Variants in PAK3 observed in about 807,000 individuals in gnomAD.
PAK3 encodes serine/threonine-protein kinase PAK 3.
Under a neutral mutation model 41.0 loss-of-function variants are expected in PAK3, and 4 were observed. The observed-to-expected ratio is 0.10, with a 90% CI of 0.05 to 0.22. The LOEUF is 0.22. Among genes scored for constraint, PAK3 ranks in the 10% least tolerant of loss-of-function variants. PAK3 has a pLI of 1.00. For missense variants in PAK3, 205 were observed against 409.9 expected (o/e 0.50, Z 4.32); for synonymous variants, 146 against 139.6 (o/e 1.05, Z -0.32).
chrX:111,043,892 T>C (rs2092474003), intron 1 of PAK3, among the ~76,000 whole-genome samples: 1 of 111,746 alleles, frequency 8.9e-6, no homozygotes, highest in African/African-American at 3.3e-5. Context: ...AATATTAAAG[T>C]TGAAATTTTC....
intron 1 of PAK3, among the ~76,000 whole-genome samples, chrX:111,090,161 A>C (rs2092919104): frequency 9.0e-6 from 1 of 110,940 alleles, no homozygotes; most frequent in Admixed American, 9.6e-5. Context: ...GGCTTTGGGG[A>C]CTGGGTTTGG....
rs566096360 is a variant in PAK3 at position 110,953,705 on chromosome X, T to A, written c.-28+9077T>A. Among the ~76,000 whole-genome samples, 7 of 111,763 alleles carry A rather than the reference T, an allele frequency of 6.3e-5. No homozygotes were observed. The South Asian group carries it at 2.7e-3, about 42-fold the overall frequency. ...TCACCTAGGAGCTCTGGCTTAGAAA[T>A]CTATGATATGAAACTGCACTTGAGG... is the stretch of plus-strand genomic sequence containing the variant. On this transcript the variant is annotated intron_variant, in intron 1 of 14. Coordinates refer to the PAK3 transcript ENST00000425146.
intron 3 of PAK3, among the ~76,000 whole-genome samples, chrX:111,101,247 G>A (rs921879751): frequency 8.9e-6 from 1 of 111,890 alleles, no homozygotes; most frequent in Non-Finnish European, 1.9e-5. Flanking sequence ...ACATGACCCA[G>A]TATGCACATG....
At chrX:111,008,877 C>T (rs1034679615) in intron 1 of PAK3, among the ~76,000 whole-genome samples, 15 of 111,238 alleles carry the variant, frequency 1.3e-4, no homozygotes, top group African/African-American at 4.3e-4. Context: ...TAGATACACA[C>T]GAGTGGGCAG....
chrX:111,172,159 C>A lies in PAK3; in HGVS notation c.767-859C>A, dbSNP rs1056991975. Among the ~76,000 whole-genome samples the A allele has an allele frequency of 5.6e-4, 62 of 111,325 alleles. 1 individual carries two copies. Among genetic ancestry groups the A allele is most frequent in the Non-Finnish European group, 5.7e-5 (3 of 52,938 alleles). On this transcript the variant is annotated intron_variant, in intron 10 of 17. Coordinates refer to ENST00000372007, the MANE Select transcript of PAK3 (RefSeq NM_002578.5). ...GATAAGTTCTTAGATTGTTTTTTAG[C>A]GATTATACCAATTTATGTACCCACC...
At chrX:110,969,903 G>A (rs2091170239) in intron 1 of PAK3, among the ~76,000 whole-genome samples, 1 of 112,053 alleles carries the variant, frequency 8.9e-6, no homozygotes, top group African/African-American at 3.2e-5. Context: ...TATGAAATGT[G>A]TATGTCAATT....
chrX:110,962,522 C>T (rs2091000475), intron 1 of PAK3, among the ~76,000 whole-genome samples: 1 of 112,524 alleles, frequency 8.9e-6, no homozygotes, highest in Non-Finnish European at 1.9e-5. Flanking sequence ...CCATGCAAAC[C>T]TTACTTGTTA....
chrX:111,019,936 G>A (rs571383133), intron 1 of PAK3, among the ~76,000 whole-genome samples: 53 of 111,183 alleles, frequency 4.8e-4, no homozygotes, highest in African/African-American at 1.6e-3. Flanking sequence ...GCCAGGATGT[G>A]GAGAAATAGG....
Position 111,195,917 on chromosome X carries a change from G to A in PAK3, c.1186G>A (p.Gly396Arg). ...TATAAAGAGTGACAATATTCTTCTCGGGATGGATGGCTCTGTTAAATTGAG... is the reference window on the plus strand; with the variant it reads ...TATAAAGAGTGACAATATTCTTCTCAGGATGGATGGCTCTGTTAAATTGAG... ...RDIKSDNILL[G>R]MDGSVKLTDF... Residue 396 changes from glycine to arginine, a missense_variant, in exon 15 of 18, where the codon GGG becomes AGG. Gly to Arg is a moderately radical substitution (Grantham distance 125, BLOSUM62 -2). Around this residue, in one of 5 missense-constraint regions of PAK3, gnomAD observed 42 missense variants for 152.7 expected, o/e 0.28. Transcript: ENST00000372007. 8.8e-7 allele frequency: 1 copy of A among 1,140,777 alleles called. No homozygotes were observed. The highest frequency in any genetic ancestry group is 1.2e-6 in the Non-Finnish European group (1 of 831,176). 94.0% of individuals were successfully genotyped at this position (1,140,777 alleles called of 1,213,427 possible).
chrX:111,212,113 A>C (rs770635733), intron 16 of PAK3, among the ~76,000 whole-genome samples: 1 of 111,461 alleles, frequency 9.0e-6, no homozygotes, highest in Non-Finnish European at 1.9e-5. Context: ...TGGGTGAGGA[A>C]GAAGGGGGAA....
chrX:111,138,047 CTT>C (rs36088513), intron 5 of PAK3, among the ~76,000 whole-genome samples: 21 of 99,563 alleles, frequency 2.1e-4, no homozygotes, highest in African/African-American at 2.9e-4. Context: ...GAGCTCAAAT[CTT>C]TTTTTTTTTT....
At chrX:111,105,484 A>C in intron 4 of PAK3, among the ~76,000 whole-genome samples, 1 of 111,595 alleles carries the variant, frequency 9.0e-6, no homozygotes, top group African/African-American at 3.3e-5. Flanking sequence ...CATTGATGTC[A>C]TCACTGTTTC....
intron 1 of PAK3, among the ~76,000 whole-genome samples, chrX:110,978,377 T>C (rs1370126664): frequency 1.8e-5 from 2 of 110,928 alleles, no homozygotes; most frequent in Non-Finnish European, 3.8e-5. Context: ...GTTTGGTTTG[T>C]TTTTTTTATT....
At chrX:111,118,541 C>A (rs951133742) in intron 4 of PAK3, among the ~76,000 whole-genome samples, 13 of 110,016 alleles carry the variant, frequency 1.2e-4, no homozygotes, top group Admixed American at 8.8e-4. Flanking sequence ...GTGTTTGATC[C>A]TCTCATTTGC....
At chrX:111,054,384 G>T (rs1214478188) in intron 1 of PAK3, among the ~76,000 whole-genome samples, 2 of 112,328 alleles carry the variant, frequency 1.8e-5, no homozygotes, top group African/African-American at 6.5e-5. Flanking sequence ...CACTGTGGGG[G>T]CACCAATCAA....
rs2094943629 is a variant in PAK3, at chrX:111,224,473, G to C, written c.*4026G>C. 1 of 112,136 alleles carries C rather than the reference G, an allele frequency of 8.9e-6. No individual in the cohort carries two copies. Among genetic ancestry groups the C allele is most frequent in the African/African-American group, 3.2e-5 (1 of 30,900 alleles). 9.2% of individuals were successfully genotyped at this position (112,136 alleles called of 1,213,427 possible). On this transcript the variant is annotated 3_prime_UTR_variant, in exon 18 of 18. Coordinates refer to ENST00000372007, the MANE Select transcript of PAK3 (RefSeq NM_002578.5). ...ACAGGATATTACTGTATATCATTCA[G>C]GTAGGATTCTTCTTTTAATAACCAA...
intron 1 of PAK3, among the ~76,000 whole-genome samples, chrX:110,983,767 G>T (rs1244422121): frequency 3.6e-5 from 4 of 111,211 alleles, no homozygotes; most frequent in Non-Finnish European, 7.5e-5. Flanking sequence ...TAGGTGGGCA[G>T]CTGGAGTTGA....
At chrX:111,137,264 G>A (rs1282815711) in intron 5 of PAK3, among the ~76,000 whole-genome samples, 5 of 111,728 alleles carry the variant, frequency 4.5e-5, no homozygotes, top group Non-Finnish European at 7.5e-5. Context: ...AGGACTACAG[G>A]CTTGGGATGA....
chrX:111,169,224 A>G (rs900138865), intron 10 of PAK3: 7 of 232,518 alleles, frequency 3.0e-5, no homozygotes, highest in Admixed American at 2.4e-4. Context: ...GCAATATCAA[A>G]TACCATACAC....
Sources: allele counts gnomAD v4.1 joint callset (sites outside exome capture counted in the v4.1 genomes callset), GRCh38; gene constraint gnomAD v4.1.1; regional missense constraint gnomAD v4.1.1; transcripts MANE v1.5; gene names NCBI Gene and HGNC (gene_info 2026-07-23, HGNC 2026-07-21).